The following NWD2 variants were observed in gnomAD, a reference collection of about 807,000 sequenced individuals.
NWD2 encodes the protein NACHT and WD repeat domain containing 2, also known as NACHT and WD repeat domain-containing protein 2.
NWD2 carries 37 observed loss-of-function variants against 132.7 expected under a neutral mutation model. That is an observed-to-expected ratio of 0.28 (90% CI 0.21 to 0.37). The LOEUF (loss-of-function observed/expected upper bound fraction) is 0.37. Among genes scored for constraint, NWD2 ranks in the 10% least tolerant of loss-of-function variants. NWD2 has a pLI of 1.00. For missense variants in NWD2, 1,592 were observed against 2,122.4 expected (o/e 0.75, Z 4.91); for synonymous variants, 705 against 803.0 (o/e 0.88, Z 2.06).
At chr4:37,286,930 C>A (rs775994251) in intron 1 of NWD2, among the ~76,000 whole-genome samples, 4 of 152,086 alleles carry the variant, frequency 2.6e-5, no homozygotes, top group Non-Finnish European at 4.4e-5. Context: ...CTAAAAGAAC[C>A]ATAACTAGCG....
At chr4:37,411,191 T>TTAATGAA (rs1721148069) in intron 3 of NWD2, among the ~76,000 whole-genome samples, 1 of 150,376 alleles carries the variant, frequency 6.6e-6, no homozygotes, top group Admixed American at 6.6e-5. Context: ...TTTCAAAAAA[T>TTAATGAA]TCCAGGAGCT....
chr4:37,299,633 A>G (rs1318064470), intron 1 of NWD2, among the ~76,000 whole-genome samples: 4 of 152,128 alleles, frequency 2.6e-5, no homozygotes, highest in South Asian at 2.1e-4. Context: ...TTTAACACCT[A>G]GCAGAGTGTT....
chr4:37,364,359 C>T (rs1257581247), intron 3 of NWD2, among the ~76,000 whole-genome samples: 1 of 152,048 alleles, frequency 6.6e-6, no homozygotes, highest in East Asian at 1.9e-4. Context: ...CTAGAAGAGC[C>T]AAGCCTGATA....
chr4:37,301,687 A>G (rs1226339946), intron 1 of NWD2, among the ~76,000 whole-genome samples: 1 of 150,658 alleles, frequency 6.6e-6, no homozygotes, highest in Non-Finnish European at 1.5e-5. Context: ...GTGGTTTCTT[A>G]TTTGTATTCT....
chr4:37,343,542 G>A (rs1445043153), intron 2 of NWD2, among the ~76,000 whole-genome samples: 2 of 152,148 alleles, frequency 1.3e-5, no homozygotes, highest in Non-Finnish European at 2.9e-5. Context: ...TACAATAATT[G>A]GAATAAATGT....
At chr4:37,262,620 A>G (rs1717662926) in intron 1 of NWD2, among the ~76,000 whole-genome samples, 1 of 152,180 alleles carries the variant, frequency 6.6e-6, no homozygotes, top group Non-Finnish European at 1.5e-5. Context: ...GAGGATAGTG[A>G]AATGTGGAAC....
At chr4:37,414,896 G>A (rs973244988) in intron 3 of NWD2, among the ~76,000 whole-genome samples, 13 of 152,128 alleles carry the variant, frequency 8.5e-5, no homozygotes, top group South Asian at 2.1e-4. Context: ...TGACATTGTT[G>A]GATTCTATAT....
At chr4:37,310,230 GC>G (rs1166262954) in intron 1 of NWD2, among the ~76,000 whole-genome samples, 1 of 152,126 alleles carries the variant, frequency 6.6e-6, no homozygotes, top group Non-Finnish European at 1.5e-5. Flanking sequence ...CTTTCACTGT[GC>G]CTTTGGCCTG....
intron 1 of NWD2, among the ~76,000 whole-genome samples, chr4:37,263,373 G>A (rs1275434972): frequency 6.6e-6 from 1 of 152,164 alleles, no homozygotes; most frequent in Non-Finnish European, 1.5e-5. Flanking sequence ...GCAGCTGAGG[G>A]AACATGGGTT....
intron 1 of NWD2, among the ~76,000 whole-genome samples, chr4:37,254,841 CTG>C (rs1308186114): frequency 6.6e-6 from 1 of 152,184 alleles, no homozygotes; most frequent in African/African-American, 2.4e-5. Context: ...ATTTCAAAGA[CTG>C]TGAAATGGCA....
intron 2 of NWD2, among the ~76,000 whole-genome samples, chr4:37,355,479 C>T (rs1719853118): frequency 6.6e-6 from 1 of 152,188 alleles, no homozygotes; most frequent in Admixed American, 6.5e-5. Context: ...GAAACTCATA[C>T]TGTGAGCTTC....
At chr4:37,427,203 A>T (rs1398208094) in intron 3 of NWD2, among the ~76,000 whole-genome samples, 1 of 152,124 alleles carries the variant, frequency 6.6e-6, no homozygotes, top group African/African-American at 2.4e-5. Context: ...CTGCTTAGAC[A>T]TTCTCTTATT....
chr4:37,341,122 T>C (rs539098257), intron 2 of NWD2, among the ~76,000 whole-genome samples: 70 of 152,362 alleles, frequency 4.6e-4, no homozygotes, highest in African/African-American at 1.6e-3. Flanking sequence ...GCACTTCAAG[T>C]ACCTGTACAA....
intron 1 of NWD2, among the ~76,000 whole-genome samples, chr4:37,312,933 T>C (rs1480334620): frequency 6.6e-6 from 1 of 151,244 alleles, no homozygotes; most frequent in Non-Finnish European, 1.5e-5. Flanking sequence ...ATTACATTTA[T>C]TAATTTGTGT....
chr4:37,275,162 A>G (rs1717980602), intron 1 of NWD2, among the ~76,000 whole-genome samples: 1 of 152,216 alleles, frequency 6.6e-6, no homozygotes, highest in African/African-American at 2.4e-5. Context: ...AAATGGCATG[A>G]TTGTATATCT....
chr4:37,277,005 G>T (rs1160369741), intron 1 of NWD2, among the ~76,000 whole-genome samples: 1 of 151,900 alleles, frequency 6.6e-6, no homozygotes, highest in Non-Finnish European at 1.5e-5. Flanking sequence ...GATGGGGGAG[G>T]GATAGTATTA....
At position 37,438,921 on chromosome 4, in the gene NWD2, G is replaced by A. The variant is rs1490560942; in HGVS notation, c.827G>A (p.Gly276Glu). 2 of 1,552,068 alleles carry A rather than the reference G, an allele frequency of 1.3e-6. No homozygotes were observed. The highest frequency in any genetic ancestry group is 1.7e-6 in the Non-Finnish European group (2 of 1,147,072). The change falls in exon 6 of 7, where the codon GGA (glycine) becomes GAA (glutamate). Residue 276 changes from glycine to glutamate, a missense_variant. By Grantham distance (98) the Gly-to-Glu change is moderately conservative (BLOSUM62 -2). This residue lies in a region of NWD2 where 1,071 missense variants were observed against 1,398.0 expected (regional missense o/e 0.77). Coordinates refer to ENST00000309447, the MANE Select transcript of NWD2 (RefSeq NM_001144990.2). Reference protein sequence around the residue: ...IERFVKIPEMGKYMDITGTEP... With the variant: ...IERFVKIPEMEKYMDITGTEP... ...CGCTTTGTGAAAATCCCAGAGATGGGAAAATACATGGATATAACTGGAACA... is the reference window on the plus strand; with the variant it reads ...CGCTTTGTGAAAATCCCAGAGATGGAAAAATACATGGATATAACTGGAACA...
Position 37,334,885 on chromosome 4 carries a change from C to T in NWD2, c.240+8861C>T, listed in dbSNP as rs1719367640. ...ACATCCATTAAATCCCAAAGATCTG[C>T]CAACTCTACCTCCCTAAATACTTCT... is the stretch of plus-strand genomic sequence containing the variant. On this transcript the variant is annotated intron_variant, in intron 2 of 6. Transcript: ENST00000309447. Among the ~76,000 whole-genome samples the T allele has an allele frequency of 3.3e-5, 5 of 152,132 alleles. No homozygotes were observed. The South Asian group carries it at 1.0e-3, about 31-fold the overall frequency.
rs562701334 is a variant in NWD2 at position 37,250,653 on chromosome 4, G to C, written c.151+5435G>C. Among the ~76,000 whole-genome samples the C allele has an allele frequency of 5.9e-5, 9 of 152,246 alleles. No homozygotes were observed. In the South Asian group the frequency reaches 1.0e-3, roughly 18 times the overall value. On this transcript the variant is annotated intron_variant, in intron 1 of 6. Coordinates refer to ENST00000309447, the MANE Select transcript of NWD2 (RefSeq NM_001144990.2). Reference sequence around the variant, plus strand: ...CTACCATGATCCAGACACTGTGCAGGCATGTTTAAGCAAATATAAATATAT... The same window carrying C: ...CTACCATGATCCAGACACTGTGCAGCCATGTTTAAGCAAATATAAATATAT...
Sources: allele counts gnomAD v4.1 joint callset (sites outside exome capture counted in the v4.1 genomes callset), GRCh38; gene constraint gnomAD v4.1.1; regional missense constraint gnomAD v4.1.1; transcripts MANE v1.5; gene names NCBI Gene and HGNC (gene_info 2026-07-23, HGNC 2026-07-21).